The following XKR9 variants were observed in gnomAD, a reference collection of about 807,000 sequenced individuals.
XKR9 encodes XK related 9.
XKR9 carries 32 observed loss-of-function variants against 32.0 expected under a neutral mutation model. The observed-to-expected ratio is 1.00, with a 90% confidence interval of 0.76 to 1.34. The LOEUF is 1.34. XKR9 is among the 40% of genes most tolerant of loss of function. The probability of loss-of-function intolerance (pLI) is 0.00; values close to 1 mark genes in which losing one functional copy is unlikely to be tolerated. For synonymous variants in XKR9, 168 were observed against 143.4 expected (o/e 1.17, Z -1.22); for missense variants, 546 against 429.7 (o/e 1.27, Z -2.39).
chr8:70,805,481 G>A, the XKR9 span, among the ~76,000 whole-genome samples: 2 of 152,168 alleles, frequency 1.3e-5, no homozygotes, highest in Admixed American at 6.5e-5. Context: ...CCAGCACCGG[G>A]ACTCACAACT....
At chr8:70,927,565 T>G in the XKR9 span, among the ~76,000 whole-genome samples, 1 of 152,144 alleles carries the variant, frequency 6.6e-6, no homozygotes, top group Non-Finnish European at 1.5e-5. Flanking sequence ...TGCAGTGTCC[T>G]CTGGAGAGGA....
chr8:70,891,867 A>G, the XKR9 span, among the ~76,000 whole-genome samples: 7 of 152,030 alleles, frequency 4.6e-5, no homozygotes, highest in Admixed American at 1.3e-4. Context: ...GAAGTCCCCA[A>G]GCTATGATTT....
At chr8:70,693,872 C>T (rs1179723062) in intron 3 of XKR9, among the ~76,000 whole-genome samples, 2 of 152,154 alleles carry the variant, frequency 1.3e-5, no homozygotes, top group Non-Finnish European at 2.9e-5. Context: ...GGTGGCAAGG[C>T]ATGTTCCACT....
the XKR9 span, among the ~76,000 whole-genome samples, chr8:70,970,874 A>G: frequency 6.6e-6 from 1 of 152,314 alleles, no homozygotes; most frequent in South Asian, 2.1e-4. Flanking sequence ...AATTAGTTCA[A>G]TCATTGTGGA....
chr8:70,980,378 T>C, the XKR9 span, among the ~76,000 whole-genome samples: 3 of 152,246 alleles, frequency 2.0e-5, no homozygotes, highest in Admixed American at 6.5e-5. Flanking sequence ...GAGCTGTTCC[T>C]ATTCGGACAT....
At chr8:70,958,366 GT>G in the XKR9 span, among the ~76,000 whole-genome samples, 5 of 151,880 alleles carry the variant, frequency 3.3e-5, no homozygotes, top group Non-Finnish European at 7.4e-5. Flanking sequence ...AGCATCTGTT[GT>G]TTTTTGACTT....
intron 4 of XKR9, among the ~76,000 whole-genome samples, chr8:70,719,657 T>C (rs1291713443): frequency 6.6e-6 from 1 of 152,170 alleles, no homozygotes; most frequent in Non-Finnish European, 1.5e-5. Flanking sequence ...GTTCTATATA[T>C]CTGTTTTGGT....
chr8:70,670,748 TAA>T (rs965277382), intron 1 of XKR9: 1 of 152,242 alleles, frequency 6.6e-6, no homozygotes, highest in Non-Finnish European at 1.5e-5. Flanking sequence ...AATAATCATA[TAA>T]GTTATCCCCT....
the XKR9 span, among the ~76,000 whole-genome samples, chr8:71,005,385 G>A: frequency 6.6e-6 from 1 of 151,806 alleles, no homozygotes; most frequent in Non-Finnish European, 1.5e-5. Context: ...ACCACACCCA[G>A]CTAATTTGTT....
At chr8:70,686,245 T>C (rs1334028161) in intron 3 of XKR9, among the ~76,000 whole-genome samples, 1 of 148,070 alleles carries the variant, frequency 6.8e-6, no homozygotes, top group East Asian at 2.1e-4. Flanking sequence ...CCATTCTTTT[T>C]TTTTTTTTTT....
chr8:70,826,340 C>A, the XKR9 span, among the ~76,000 whole-genome samples: 1 of 152,082 alleles, frequency 6.6e-6, no homozygotes, highest in Non-Finnish European at 1.5e-5. Flanking sequence ...CTATTATTAG[C>A]AAAAACAAAC....
At chr8:71,015,658 T>C in the XKR9 span, among the ~76,000 whole-genome samples, 2 of 152,188 alleles carry the variant, frequency 1.3e-5, no homozygotes, top group East Asian at 3.9e-4. Flanking sequence ...AACTGCAGGG[T>C]TTTTATCACT....
the XKR9 span, among the ~76,000 whole-genome samples, chr8:70,976,531 A>G: frequency 6.6e-6 from 1 of 152,144 alleles, no homozygotes; most frequent in Non-Finnish European, 1.5e-5. Context: ...ATTGATTTGC[A>G]TATGTTGAAA....
the XKR9 span, among the ~76,000 whole-genome samples, chr8:70,862,093 T>C: frequency 2.6e-5 from 4 of 152,184 alleles, no homozygotes; most frequent in Non-Finnish European, 5.9e-5. Flanking sequence ...TATTGGAGGA[T>C]GTCTGGATGG....
the XKR9 span, among the ~76,000 whole-genome samples, chr8:70,865,329 C>A: frequency 6.6e-6 from 1 of 151,022 alleles, no homozygotes. Context: ...TGAGAGGAAC[C>A]CTAAAATTCT....
At chr8:70,747,406 A>C (rs554941930) in intron 2 of XKR9, among the ~76,000 whole-genome samples, 3 of 152,326 alleles carry the variant, frequency 2.0e-5, no homozygotes, top group African/African-American at 7.2e-5. Flanking sequence ...AGATTAGTGG[A>C]TTAATAGGTT....
chr8:70,931,787 C>T, the XKR9 span, among the ~76,000 whole-genome samples: 1 of 152,144 alleles, frequency 6.6e-6, no homozygotes, highest in Admixed American at 6.6e-5. Flanking sequence ...GTCCCAGACT[C>T]CTGTAAACAA....
At chr8:70,890,417 C>G in the XKR9 span, among the ~76,000 whole-genome samples, 7 of 151,838 alleles carry the variant, frequency 4.6e-5, no homozygotes, top group Non-Finnish European at 1.0e-4. Context: ...CAACTTTTCC[C>G]CTTTCAGTAT....
At chr8:71,042,809 T>A in the XKR9 span, among the ~76,000 whole-genome samples, 2 of 152,212 alleles carry the variant, frequency 1.3e-5, no homozygotes, top group South Asian at 4.1e-4. Context: ...CTTCGTTACA[T>A]GAGCCATGAC....
Sources: allele counts gnomAD v4.1 joint callset (sites outside exome capture counted in the v4.1 genomes callset), GRCh38; gene constraint gnomAD v4.1.1; transcripts MANE v1.5; gene names NCBI Gene and HGNC (gene_info 2026-07-23, HGNC 2026-07-21).